The following NCOR2 variants were observed in gnomAD, a reference collection of about 807,000 sequenced individuals.
NCOR2 encodes the protein CTG repeat protein 26.
NCOR2 carries 81 observed loss-of-function variants against 262.9 expected under a neutral mutation model. The ratio of observed to expected loss-of-function variants is 0.31; its 90% CI spans 0.26 to 0.37. The LOEUF (loss-of-function observed/expected upper bound fraction) is 0.37. Among genes scored for constraint, NCOR2 ranks in the 10% least tolerant of loss-of-function variants. The pLI is 1.00. For missense variants in NCOR2, 3,385 were observed against 3,621.4 expected (o/e 0.93, Z 1.68); for synonymous variants, 1,659 against 1,559.3 (o/e 1.06, Z -1.51).
chr12:124,374,352 G>T, intron 19 of NCOR2, 61 bp downstream of exon 21: 2 of 1,547,512 alleles, frequency 1.3e-6, no homozygotes, highest in Non-Finnish European at 8.9e-7. Context: ...GAGGACCGGG[G>T]ACCTTGGGAT....
chr12:124,386,941 G>C (rs1247211574), intron 16 of NCOR2, among the ~76,000 whole-genome samples: 4 of 152,268 alleles, frequency 2.6e-5, no homozygotes, highest in African/African-American at 7.2e-5. Flanking sequence ...GGGAGAGACA[G>C]GGAGTGCTCC....
intron 7 of NCOR2, 34 bp from the exon 10 acceptor site, chr12:124,438,030 C>T (rs779025976): frequency 6.3e-6 from 10 of 1,586,978 alleles, no homozygotes; most frequent in Middle Eastern, 1.7e-4. Flanking sequence ...CAGGTCAGCC[C>T]GGCCGGGCTC....
At chr12:124,518,872 C>T (rs917982996) in intron 1 of NCOR2, among the ~76,000 whole-genome samples, 6 of 152,212 alleles carry the variant, frequency 3.9e-5, no homozygotes, top group South Asian at 2.1e-4. Flanking sequence ...GTAGCTCTGG[C>T]GCCTTGGCTC....
At position 124,376,856 on chromosome 12, in the gene NCOR2, T is replaced by C. The variant is rs957257450; in HGVS notation, c.2167+1381A>G. 3.3e-5 allele frequency among the ~76,000 whole-genome samples: 5 copies of C among 151,834 alleles called. No homozygotes were observed. The East Asian group carries it at 5.8e-4, about 18-fold the overall frequency. On this transcript the variant is annotated intron_variant, in intron 18 of 46. Transcript: ENST00000405201. ...CCAGACGGGGCAGGAGGAAGGAGGG[T>C]TGAATTCACCAAGGACTTGGGCTCC... is the stretch of plus-strand genomic sequence containing the variant.
At position 124,327,275 on chromosome 12, in the gene NCOR2, G is replaced by T. The variant is rs182762466; in HGVS notation, c.7183+134C>A. On this transcript the variant is annotated intron_variant, in intron 45 of 46. Coordinates refer to ENST00000405201, the Ensembl canonical transcript of NCOR2. ...TCAGATTAGCAAACTCCAGAACGAG[G>T]TCAAACACGCACAAAAATAAAGTCA... 1,433 of 751,824 alleles carry T rather than the reference G, an allele frequency of 1.9e-3. 20 individuals carry two copies. The highest frequency in any genetic ancestry group is 0.018 in the South Asian group (1,017 of 55,758). The allele number at this position is 751,824 out of a possible 1,614,324, so 46.6% of individuals were successfully genotyped here. A position where few individuals can be genotyped will look rare whatever the true frequency, so the allele number is the denominator to read the frequency against.
exon 38 of NCOR2, chr12:124,337,051 G>A (rs1306695408): frequency 6.7e-7 from 1 of 1,492,162 alleles, no homozygotes; most frequent in Admixed American, 2.4e-5. Context: ...CGACCCGGGG[G>A]GCCTCCTTGG....
intron 17 of NCOR2, among the ~76,000 whole-genome samples, chr12:124,384,556 C>T (rs566215623): frequency 6.6e-6 from 1 of 152,310 alleles, no homozygotes; most frequent in South Asian, 2.1e-4. Flanking sequence ...GCCGCGCGCA[C>T]ACATGACTCA....
Position 124,354,521 on chromosome 12 carries a change from C to T in NCOR2, c.3546G>A (p.Glu1182=), listed in dbSNP as rs1327540379. ...CCTGGGCTGTGGGCACCCCCAGGCTCTCCGGTGGCCCAGCCTGGCCCCGTG... is the reference window on the plus strand; with the variant it reads ...CCTGGGCTGTGGGCACCCCCAGGCTTTCCGGTGGCCCAGCCTGGCCCCGTG... Residue 1182 remains glutamate, a synonymous_variant, in exon 26 of 47, where the codon GAG becomes GAA. Transcript: ENST00000405201. The T allele has an allele frequency of 2.5e-6, 4 of 1,595,148 alleles. No individual in the cohort carries two copies. The East Asian group carries it at 9.0e-5, about 36-fold the overall frequency.
chr12:124,398,154 C>A, exon 16 of NCOR2: 1 of 1,614,242 alleles, frequency 6.2e-7, no homozygotes, highest in Non-Finnish European at 8.5e-7. Context: ...TTCTGTCCAG[C>A]GAGAACTCTC....
chr12:124,394,533 G>T (rs1464535558), intron 16 of NCOR2, among the ~76,000 whole-genome samples: 1 of 152,230 alleles, frequency 6.6e-6, no homozygotes, highest in African/African-American at 2.4e-5. Flanking sequence ...AAGTCAACGT[G>T]GGGTCATACT....
At position 124,389,133 on chromosome 12, in the gene NCOR2, G is replaced by C. The variant is rs539842753; in HGVS notation, c.1877-3246C>G. Among the ~76,000 whole-genome samples, 1 of 152,238 alleles carries C rather than the reference G, an allele frequency of 6.6e-6. No homozygotes were observed. The highest frequency in any genetic ancestry group is 2.1e-4 in the South Asian group (1 of 4,832). On this transcript the variant is annotated intron_variant, in intron 16 of 46. Transcript: ENST00000405201. The surrounding 1 kb of genome is among the most constrained non-coding windows in gnomAD (Gnocchi z 4.4). The stretch of plus-strand genomic sequence containing the variant: ...CCCCTGGGCCAGGTATCACCGGGGC[G>C]CAGCGTGCCGAGCTCCTCCAGCACC...
intron 5 of NCOR2, 47 bp downstream of exon 7, chr12:124,466,126 C>G: frequency 6.4e-7 from 1 of 1,550,962 alleles, no homozygotes; most frequent in Non-Finnish European, 8.8e-7. Context: ...TGTGAAGCGC[C>G]TCATGGCCAG....
intron 17 of NCOR2, among the ~76,000 whole-genome samples, chr12:124,380,326 T>G (rs980860446): frequency 2.0e-5 from 3 of 152,208 alleles, no homozygotes; most frequent in African/African-American, 7.2e-5. Flanking sequence ...ACAGGGTTCC[T>G]CTGAGCACAG....
intron 16 of NCOR2, among the ~76,000 whole-genome samples, chr12:124,386,484 T>A (rs1018264427): frequency 1.3e-5 from 2 of 151,544 alleles, no homozygotes; most frequent in African/African-American, 2.4e-5. Flanking sequence ...GGGCCCAAAC[T>A]CCCTAAGGGC....
intron 28 of NCOR2, among the ~76,000 whole-genome samples, chr12:124,349,534 G>C (rs2037250905): frequency 6.6e-6 from 1 of 152,170 alleles, no homozygotes; most frequent in South Asian, 2.1e-4. Context: ...GGTGGCCGCA[G>C]GGGAGTGGAC....
At chr12:124,501,665 T>C (rs893731333) in intron 1 of NCOR2, among the ~76,000 whole-genome samples, 10 of 152,198 alleles carry the variant, frequency 6.6e-5, no homozygotes, top group Non-Finnish European at 1.2e-4. Context: ...GCACCCGTCA[T>C]ATTGGATTTG....
At chr12:124,499,613 G>T (rs1469833915), upstream of NCOR2, among the ~76,000 whole-genome samples, 1 of 152,192 alleles carries the variant, frequency 6.6e-6, no homozygotes, top group Non-Finnish European at 1.5e-5. Flanking sequence ...GCCAGGCGGT[G>T]AGCACAGGCC....
Position 124,483,576 on chromosome 12 carries a change from A to G in NCOR2, c.411+20T>C. The G allele has an allele frequency of 6.5e-7, 1 of 1,541,240 alleles. No individual in the cohort carries two copies. Among genetic ancestry groups the G allele is most frequent in the Non-Finnish European group, 8.7e-7 (1 of 1,143,396 alleles). Reference sequence around the variant, plus strand: ...AACCTCAAGCGGGAGAGGAGCTCCCAGCTGGGGGCCCAGGCTTACCTTGGT... The same window carrying G: ...AACCTCAAGCGGGAGAGGAGCTCCCGGCTGGGGGCCCAGGCTTACCTTGGT... On this transcript the variant is annotated intron_variant, in intron 3 of 46. Transcript: ENST00000405201. The surrounding 1 kb of genome is among the most constrained non-coding windows in gnomAD (Gnocchi z 6.3).
At chr12:124,331,379 A>T (rs1280740824) in intron 43 of NCOR2, 1 of 162,012 alleles carries the variant, frequency 6.2e-6, no homozygotes, top group Non-Finnish European at 1.3e-5. Context: ...CTGCATTTCT[A>T]ACCAGTACCC....
Sources: allele counts gnomAD v4.1 joint callset (sites outside exome capture counted in the v4.1 genomes callset), GRCh38; gene constraint gnomAD v4.1.1; non-coding constraint Gnocchi (gnomAD v3.1); transcripts MANE v1.5; gene names NCBI Gene and HGNC (gene_info 2026-07-23, HGNC 2026-07-21).